ECT2: variants seen among roughly 807,000 people sequenced by gnomAD.
ECT2 encodes the protein protein ECT2.
ECT2 carries 61 observed loss-of-function variants against 116.9 expected under a neutral mutation model. That is an observed-to-expected ratio of 0.52 (90% CI 0.42 to 0.65). The LOEUF is 0.65. ECT2 is among the 30% of genes least tolerant of loss of function. ECT2 has a pLI of 0.00. For synonymous variants in ECT2, 358 were observed against 346.4 expected (o/e 1.03, Z -0.37); for missense variants, 937 against 1,078.7 (o/e 0.87, Z 1.84).
At chr3:172,765,792 G>A (rs1450798706) in intron 12 of ECT2, among the ~76,000 whole-genome samples, 1 of 152,060 alleles carries the variant, frequency 6.6e-6, no homozygotes, top group African/African-American at 2.4e-5. Context: ...ATCTCATGTG[G>A]TATTATGCTC....
chr3:172,773,990 C>T lies in ECT2; in HGVS notation c.1516C>T (p.Pro506Ser), dbSNP rs1457998117. ...GATTAAGACTATTTTTGGTAGCATC[C>T]CAGATATCTTTGATGTACACACTAA... ...EEIKTIFGSI[P>S]DIFDVHTKIK... The change falls in exon 14 of 25, where the codon CCA (proline) becomes TCA (serine). Residue 506 changes from proline to serine, a missense_variant. Pro to Ser is a moderately conservative substitution (Grantham distance 74, BLOSUM62 -1). Coordinates refer to ENST00000392692, the MANE Select transcript of ECT2 (RefSeq NM_001258315.2). 1.2e-6 allele frequency: 2 copies of T among 1,612,792 alleles called. No homozygotes were observed. Among genetic ancestry groups the T allele is most frequent in the Admixed American group, 3.3e-5 (2 of 59,996 alleles).
chr3:172,769,011 C>T lies in ECT2; in HGVS notation c.1296C>T (p.Thr432=). ...TPESSINYGD[T]PKSCTKSSKS... ...TTCCACCTTTTAACGTTTCAGACAC[C>T]CCAAAGTCTTGTACTAAGTCTTCTA... Residue 432 remains threonine (T), a synonymous_variant, in exon 13 of 25, where the codon ACC becomes ACT. Coordinates refer to ENST00000392692, the MANE Select transcript of ECT2 (RefSeq NM_001258315.2). 6.2e-7 allele frequency: 1 copy of T among 1,607,426 alleles called. No individual in the cohort carries two copies.
At position 172,802,693 on chromosome 3, in the gene ECT2, C is replaced by A; in HGVS notation, c.1985C>A (p.Pro662Gln). ...FDVVYEVDGC[P>Q]ANLLSSHRSL... ...GTTGTTTATGAAGTAGATGGATGCC[C>A]AGTAAGTATTCTTCTTTAACAATTA... is the stretch of plus-strand genomic sequence containing the variant. Residue 662 changes from proline to glutamine, a missense_variant and splice_region_variant, in exon 19 of 25, where the codon CCA becomes CAA. Coordinates refer to ENST00000392692, the MANE Select transcript of ECT2 (RefSeq NM_001258315.2). The A allele has an allele frequency of 6.3e-7, 1 of 1,594,226 alleles. No homozygotes were observed. The highest frequency in any genetic ancestry group is 1.2e-5 in the South Asian group (1 of 86,788).
At chr3:172,790,135 G>A (rs762008716) in intron 18 of ECT2, among the ~76,000 whole-genome samples, 3 of 152,040 alleles carry the variant, frequency 2.0e-5, no homozygotes, top group Non-Finnish European at 2.9e-5. Context: ...TGAGGTCTCC[G>A]CTTATGCCTC....
Position 172,762,514 on chromosome 3 carries a change from A to G in ECT2, c.857A>G (p.Lys286Arg). The G allele has an allele frequency of 1.3e-6, 2 of 1,595,506 alleles. No individual in the cohort carries two copies. The highest frequency in any genetic ancestry group is 1.7e-6 in the Non-Finnish European group (2 of 1,175,764). ...TTCCTGGGATTTTCAGATGAAGAGA[A>G]AACCAATATGGAAGAAATGACTGAA... ...LSFLGFSDEE[K>R]TNMEEMTEMQ... is the part of the protein sequence containing the mutation. The change falls in exon 9 of 25, where the codon AAA (lysine) becomes AGA (arginine). Residue 286 changes from lysine to arginine, a missense_variant. Lys to Arg is a conservative substitution (Grantham distance 26). Transcript: ENST00000392692.
At position 172,820,876 on chromosome 3, in the gene ECT2, A is replaced by T. The variant is rs1730595674; in HGVS notation, c.*639A>T. The T allele has an allele frequency of 6.6e-6, 1 of 151,978 alleles. No individual in the cohort carries two copies. The highest frequency in any genetic ancestry group is 2.4e-5 in the African/African-American group (1 of 41,438). 9.4% of individuals were successfully genotyped at this position (151,978 alleles called of 1,614,324 possible). A position where few individuals can be genotyped will look rare whatever the true frequency, so the allele number is the denominator to read the frequency against. Reference sequence around the variant, plus strand: ...TTTCAAAATATTTTTGCAAATTGAGATAAGGACAGAAAGATTGAGAAACAT... The same window carrying T: ...TTTCAAAATATTTTTGCAAATTGAGTTAAGGACAGAAAGATTGAGAAACAT... On this transcript the variant is annotated 3_prime_UTR_variant, in exon 25 of 25. Transcript: ENST00000392692.
At chr3:172,817,837 T>A (rs1730020324) in intron 24 of ECT2, among the ~76,000 whole-genome samples, 1 of 152,078 alleles carries the variant, frequency 6.6e-6, no homozygotes, top group Non-Finnish European at 1.5e-5. Context: ...CAGATGATGT[T>A]ATATACTGAG....
chr3:172,799,896 A>G (rs1167535957), intron 18 of ECT2, among the ~76,000 whole-genome samples: 1 of 152,224 alleles, frequency 6.6e-6, no homozygotes, highest in Non-Finnish European at 1.5e-5. Context: ...GGAATTAACA[A>G]GATGGAACTC....
At chr3:172,816,616 C>A in intron 23 of ECT2, 75 bp from the exon 24 acceptor site, 1 of 1,378,262 alleles carries the variant, frequency 7.3e-7, no homozygotes, top group Non-Finnish European at 9.7e-7. Flanking sequence ...ATATATTTGG[C>A]TTTTTTATGT....
chr3:172,762,385 CT>C lies in ECT2; in HGVS notation c.759-30del, dbSNP rs747962678. 1.3e-4 allele frequency: 43 copies of C among 332,708 alleles called. No homozygotes were observed. In the South Asian group the frequency reaches 1.8e-3, roughly 14 times the overall value. 20.6% of individuals were successfully genotyped at this position (332,708 alleles called of 1,614,324 possible). The stretch of plus-strand genomic sequence containing the variant: ...ACCTAACACTTGAATTTAAGTTAAA[CT>C]GGTTTTGGAAGAGTGTATTTTGTTT... On this transcript the variant is annotated intron_variant, in intron 8 of 24. Transcript: ENST00000392692.
At chr3:172,780,390 A>T (rs1474536409) in intron 14 of ECT2, among the ~76,000 whole-genome samples, 1 of 152,208 alleles carries the variant, frequency 6.6e-6, no homozygotes. Flanking sequence ...GGCTATTATG[A>T]ATAATGCTGC....
chr3:172,805,018 TTAAA>T (rs1379147194), intron 20 of ECT2, among the ~76,000 whole-genome samples: 88 of 152,182 alleles, frequency 5.8e-4, no homozygotes, highest in African/African-American at 1.8e-3. Context: ...ACTTATAATC[TTAAA>T]TAAACTTATT....
intron 17 of ECT2, 67 bp downstream of exon 17, chr3:172,784,870 G>T: frequency 1.0e-6 from 1 of 985,964 alleles, no homozygotes; most frequent in Non-Finnish European, 1.5e-6. Context: ...CAAAAAAGAT[G>T]AATTTCTTCT....
At chr3:172,811,323 TC>T (rs1273335911) in intron 22 of ECT2, among the ~76,000 whole-genome samples, 1 of 152,198 alleles carries the variant, frequency 6.6e-6, no homozygotes, top group Non-Finnish European at 1.5e-5. Flanking sequence ...ATTTACCCTA[TC>T]TACCTTCCTC....
chr3:172,784,186 C>T (rs1377683553), intron 16 of ECT2, among the ~76,000 whole-genome samples: 2 of 151,608 alleles, frequency 1.3e-5, no homozygotes, highest in Non-Finnish European at 2.9e-5. Flanking sequence ...CAATGTCAGC[C>T]TATAATCTTA....
At position 172,805,618 on chromosome 3, in the gene ECT2, A is replaced by G. The variant is rs533189373; in HGVS notation, c.2107-113A>G. The G allele has an allele frequency of 1.5e-5, 16 of 1,051,812 alleles. No homozygotes were observed. The African/African-American group carries it at 2.4e-4, about 16-fold the overall frequency. 65.2% of individuals were successfully genotyped at this position (1,051,812 alleles called of 1,614,324 possible). On this transcript the variant is annotated intron_variant, in intron 20 of 24. Transcript: ENST00000392692. ...GCTTATAACAACTTTGTAACGAATA[A>G]TAACTAAATAAGTTATATATAGATT...
chr3:172,807,694 A>G, intron 21 of ECT2, 76 bp from the exon 22 acceptor site: 1 of 1,479,930 alleles, frequency 6.8e-7, no homozygotes, highest in Non-Finnish European at 9.1e-7. Flanking sequence ...CATTGCTCTG[A>G]GGGAACTAAA....
At chr3:172,828,237 T>C in the ECT2 span, among the ~76,000 whole-genome samples, 1 of 152,104 alleles carries the variant, frequency 6.6e-6, no homozygotes, top group East Asian at 1.9e-4. Flanking sequence ...AGACCTTAAT[T>C]GATATGATTG....
Position 172,820,443 on chromosome 3 carries a change from G to A in ECT2, c.*206G>A. The A allele has an allele frequency of 2.9e-6, 1 of 347,724 alleles. No homozygotes were observed. Among genetic ancestry groups the A allele is most frequent in the Non-Finnish European group, 5.2e-6 (1 of 193,794 alleles). The allele number at this position is 347,724 out of a possible 1,614,324, so 21.5% of individuals were successfully genotyped here. ...GTTAATTCATGTAAAAAATGATAGTGATTTTGATGTAATTTATCTCTTGTT... is the reference window on the plus strand; with the variant it reads ...GTTAATTCATGTAAAAAATGATAGTAATTTTGATGTAATTTATCTCTTGTT... On this transcript the variant is annotated 3_prime_UTR_variant, in exon 25 of 25. Transcript: ENST00000392692.
Sources: allele counts gnomAD v4.1 joint callset (sites outside exome capture counted in the v4.1 genomes callset), GRCh38; gene constraint gnomAD v4.1.1; transcripts MANE v1.5; gene names NCBI Gene and HGNC (gene_info 2026-07-23, HGNC 2026-07-21).